Variants in PUS10 observed in about 807,000 individuals in gnomAD.
PUS10 encodes the protein pseudouridine synthase 10, also known as tRNA pseudouridine synthase Pus10.
Under a neutral mutation model 75.0 loss-of-function variants are expected in PUS10, and 59 were observed. The observed-to-expected ratio is 0.79, with a 90% CI of 0.64 to 0.98. The LOEUF (loss-of-function observed/expected upper bound fraction) is 0.98. Among genes scored for constraint, PUS10 ranks in the 50% least tolerant of loss-of-function variants. PUS10 has a pLI of 0.00. For synonymous variants in PUS10, 219 were observed against 211.6 expected, an observed-to-expected ratio of 1.03 and a Z score of -0.30; for missense variants, 650 against 614.4, an observed-to-expected ratio of 1.06 and a Z score of -0.61.
chr2:60,971,448 A>T, intron 5 of PUS10, 75 bp downstream of exon 5: 1 of 1,257,156 alleles, frequency 8.0e-7, no homozygotes, highest in Non-Finnish European at 1.2e-6. Flanking sequence ...TAGAGATTGT[A>T]GTAGTAAAAG....
intron 4 of PUS10, among the ~76,000 whole-genome samples, chr2:60,980,118 G>T (rs974581012): frequency 6.6e-6 from 1 of 152,176 alleles, no homozygotes; most frequent in Non-Finnish European, 1.5e-5. Context: ...AAGGCTCTGG[G>T]ATAGATAAAT....
chr2:60,955,087 G>T lies in PUS10; in HGVS notation c.1001-13C>A. On this transcript the variant is annotated splice_polypyrimidine_tract_variant and intron_variant, in intron 11 of 17. Coordinates refer to ENST00000316752, the MANE Select transcript of PUS10 (RefSeq NM_144709.4). The stretch of plus-strand genomic sequence containing the variant: ...GAAAAATTAAAACCTTTGAAAAGCA[G>T]ATAAAGAAAAAAAAATTAGAGACAT... The T allele has an allele frequency of 6.4e-7, 1 of 1,555,906 alleles. No individual in the cohort carries two copies. Among genetic ancestry groups the T allele is most frequent in the Non-Finnish European group, 8.7e-7 (1 of 1,147,216 alleles).
At position 60,972,962 on chromosome 2, in the gene PUS10, C is replaced by T. The variant is rs1188567026; in HGVS notation, c.469-1405G>A. On this transcript the variant is annotated intron_variant, in intron 4 of 17. Transcript: ENST00000316752. The stretch of plus-strand genomic sequence containing the variant: ...GACCGTCCGGAGTAGCTGCTGCCAT[C>T]AAGCCTGCTGCAGCCGGGAGGTGTG... Among the ~76,000 whole-genome samples the T allele has an allele frequency of 2.0e-5, 3 of 152,222 alleles. No homozygotes were observed. In the East Asian group the frequency reaches 5.8e-4, roughly 29 times the overall value.
At chr2:60,953,300 T>C (rs35230012) in intron 14 of PUS10, among the ~76,000 whole-genome samples, 186 bp from the exon 15 acceptor site, 17,301 of 152,274 alleles carry the variant, frequency 0.11, 1,340 homozygotes, top group Non-Finnish European at 0.16. Context: ...TAGAATACTT[T>C]CATCACCCTG....
intron 14 of PUS10, 51 bp from the exon 15 acceptor site, chr2:60,953,165 A>G: frequency 9.9e-7 from 1 of 1,013,906 alleles, no homozygotes; most frequent in Non-Finnish European, 1.5e-6. Context: ...AAATACAAAA[A>G]AACCTTGCCC....
chr2:60,954,119 A>C lies in PUS10; in HGVS notation c.1097T>G (p.Val366Gly). ...CTTAATTTCTTGTGAAGTGAAATGT[A>C]CTCTATGAGGATTCACCAGCTCAAT... ...FAIELVNPHR[V>G]HFTSQEIKEL... Residue 366 changes from valine (V) to glycine (G), a missense_variant, in exon 13 of 18, where the codon GTA becomes GGA. Physicochemically the swap from Val to Gly is moderately radical, Grantham distance 109. Transcript: ENST00000316752. 2 of 1,614,170 alleles carry C rather than the reference A, an allele frequency of 1.2e-6. No homozygotes were observed. The highest frequency in any genetic ancestry group is 1.7e-5 in the Admixed American group (1 of 60,022).
At position 60,941,773 on chromosome 2, in the gene PUS10, G is replaced by A. The variant is rs1674638344; in HGVS notation, c.*622C>T. 6.6e-6 allele frequency: 1 copy of A among 152,242 alleles called. No homozygotes were observed. The highest frequency in any genetic ancestry group is 2.1e-4 in the South Asian group (1 of 4,830). The allele number at this position is 152,242 out of a possible 1,614,324, so 9.4% of individuals were successfully genotyped here. ...CAGGAAACCTATATTGACAATTTTA[G>A]ATTGTCAAAATTCTTTCTTAATGAA... is the stretch of plus-strand genomic sequence containing the variant. On this transcript the variant is annotated 3_prime_UTR_variant, in exon 18 of 18. Transcript: ENST00000316752.
At chr2:60,967,891 C>G (rs1676439092) in intron 5 of PUS10, among the ~76,000 whole-genome samples, 1 of 151,976 alleles carries the variant, frequency 6.6e-6, no homozygotes. Context: ...TTTTTCTAAG[C>G]TAGAATTGCC....
chr2:60,948,044 T>G lies in PUS10; in HGVS notation c.1450A>C (p.Thr484Pro). The change falls in exon 16 of 18, where the codon ACC (threonine) becomes CCC (proline). Residue 484 changes from threonine to proline, a missense_variant and splice_region_variant. Transcript: ENST00000316752. The part of the protein sequence containing the change: ...FRLHLKTQAG[T>P]YIKEFVHGDF... ...GCAGTGCAGCAGGTGGAAGGATACG[T>G]GCCAGCCTGAGTTTTCAAGTGGAGG... The G allele has an allele frequency of 1.2e-6, 2 of 1,614,082 alleles. No homozygotes were observed. The highest frequency in any genetic ancestry group is 1.7e-6 in the Non-Finnish European group (2 of 1,180,012).
rs566004544 is a variant in PUS10, at chr2:60,997,409, G to C, written c.468+9148C>G. The stretch of plus-strand genomic sequence containing the variant: ...GTGGATCACGAGGTCAGGAGATCGA[G>C]ACCATCCTGGCTAACACAGTGAAAC... On this transcript the variant is annotated intron_variant, in intron 4 of 17. Transcript: ENST00000316752. Among the ~76,000 whole-genome samples the C allele has an allele frequency of 2.0e-5, 3 of 152,254 alleles. No homozygotes were observed. In the East Asian group the frequency reaches 5.8e-4, roughly 29 times the overall value.
chr2:60,962,998 A>G, intron 8 of PUS10, 108 bp from the exon 9 acceptor site: 1 of 1,416,922 alleles, frequency 7.1e-7, no homozygotes. Flanking sequence ...TCATTATATC[A>G]TTTCATATAC....
Position 61,018,083 on chromosome 2 carries a change from T to C in PUS10, c.-91A>G. 1 of 1,521,480 alleles carries C rather than the reference T, an allele frequency of 6.6e-7. No individual in the cohort carries two copies. The highest frequency in any genetic ancestry group is 1.2e-5 in the South Asian group (1 of 80,876). 94.2% of individuals were successfully genotyped at this position (1,521,480 alleles called of 1,614,324 possible). A position where few individuals can be genotyped will look rare whatever the true frequency, so the allele number is the denominator to read the frequency against. On this transcript the variant is annotated 5_prime_UTR_variant, in exon 1 of 18. Coordinates refer to ENST00000316752, the MANE Select transcript of PUS10 (RefSeq NM_144709.4). ...CAGCAACGTTTTTTTCGGGAGCTCC[T>C]GGGCGTCTCTCTGGGTCTCTGTGCT...
At chr2:60,970,657 G>C (rs938285123) in intron 5 of PUS10, among the ~76,000 whole-genome samples, 17 of 152,070 alleles carry the variant, frequency 1.1e-4, no homozygotes, top group Admixed American at 2.0e-4. Context: ...GCCTGGGCGG[G>C]GGAGGGGACG....
intron 4 of PUS10, among the ~76,000 whole-genome samples, chr2:61,005,909 A>G (rs1303193355): frequency 2.6e-5 from 4 of 152,240 alleles, no homozygotes; most frequent in African/African-American, 9.6e-5. Context: ...AAGACATCTC[A>G]TAAATATAAA....
chr2:60,940,799 C>G lies in PUS10; in HGVS notation c.*1596G>C, dbSNP rs1171487056. The G allele has an allele frequency of 6.6e-6, 1 of 152,260 alleles. No homozygotes were observed. Among genetic ancestry groups the G allele is most frequent in the East Asian group, 1.9e-4 (1 of 5,338 alleles). 9.4% of individuals were successfully genotyped at this position (152,260 alleles called of 1,614,324 possible). ...GGAACATCCACACAGAAATTCTTAC[C>G]TTTTTATCAAAAGTTTGTTATCCTT... On this transcript the variant is annotated 3_prime_UTR_variant, in exon 18 of 18. Coordinates refer to ENST00000316752, the MANE Select transcript of PUS10 (RefSeq NM_144709.4).
chr2:60,980,285 A>C (rs1225371501), intron 4 of PUS10, among the ~76,000 whole-genome samples: 1 of 152,160 alleles, frequency 6.6e-6, no homozygotes, highest in African/African-American at 2.4e-5. Flanking sequence ...GAGAAGTGCA[A>C]ATGTACTCCC....
At chr2:60,965,261 T>C (rs928799587) in intron 7 of PUS10, 158 bp from the exon 8 acceptor site, 65 of 977,110 alleles carry the variant, frequency 6.7e-5, no homozygotes, top group Non-Finnish European at 1.0e-4. Flanking sequence ...CCAGGAACTA[T>C]GTTCAAGGAC....
intron 4 of PUS10, among the ~76,000 whole-genome samples, chr2:60,993,797 C>CT (rs896261556): frequency 2.9e-4 from 44 of 149,166 alleles, no homozygotes; most frequent in East Asian, 2.2e-3. Flanking sequence ...TTGATTGACA[C>CT]TTTTTTTTTT....
chr2:61,006,731 G>T, intron 3 of PUS10, 88 bp from the exon 4 acceptor site: 1 of 1,015,160 alleles, frequency 9.9e-7, no homozygotes, highest in Non-Finnish European at 1.5e-6. Context: ...TTCTGGTCCA[G>T]GAGATGACAT....
Sources: gnomAD v4.1 joint callset for allele counts (sites outside exome capture counted in the v4.1 genomes callset) on GRCh38, gnomAD v4.1.1 for gene constraint, MANE v1.5 for transcripts, NCBI Gene and HGNC (gene_info 2026-07-23, HGNC 2026-07-21) for gene names.